GPHN: variants seen among roughly 807,000 people sequenced by gnomAD.
GPHN encodes gephyrin.
GPHN carries 17 observed loss-of-function variants against 95.5 expected under a neutral mutation model. The observed-to-expected ratio is 0.18, with a 90% CI of 0.12 to 0.27. The LOEUF (loss-of-function observed/expected upper bound fraction) is 0.27. Ranked by LOEUF, GPHN falls within the 10% of genes least tolerant of loss-of-function variation. The pLI is 1.00. For synonymous variants in GPHN, 320 were observed against 322.5 expected (o/e 0.99, Z 0.08); for missense variants, 660 against 978.1 (o/e 0.67, Z 4.34).
At chr14:67,732,445 A>G in the GPHN span, among the ~76,000 whole-genome samples, 3 of 134,206 alleles carry the variant, frequency 2.2e-5, no homozygotes, top group Non-Finnish European at 4.8e-5. Flanking sequence ...AAAAAAAAAA[A>G]TCCTCCTCAA....
chr14:67,163,191 A>G (rs1305699595), intron 19 of GPHN, among the ~76,000 whole-genome samples: 6 of 151,978 alleles, frequency 3.9e-5, no homozygotes, highest in South Asian at 2.1e-4. Context: ...CTGTAGTCCT[A>G]CCTACCTGGA....
intron 4 of GPHN, among the ~76,000 whole-genome samples, chr14:66,862,176 A>G (rs1450715877): frequency 6.6e-6 from 1 of 152,110 alleles, no homozygotes; most frequent in Non-Finnish European, 1.5e-5. Flanking sequence ...GATACTGCAT[A>G]AAGTCAAATA....
chr14:66,649,251 T>A (rs2064917419), intron 1 of GPHN, among the ~76,000 whole-genome samples: 1 of 151,904 alleles, frequency 6.6e-6, no homozygotes, highest in African/African-American at 2.4e-5. Flanking sequence ...GGAGAATCGC[T>A]TGAACCTGGG....
chr14:66,521,034 CA>C (rs1174927482), intron 1 of GPHN, among the ~76,000 whole-genome samples: 3 of 152,092 alleles, frequency 2.0e-5, no homozygotes, highest in African/African-American at 4.8e-5. Flanking sequence ...GACATGATCT[CA>C]TTTTTTTTAT....
intron 1 of GPHN, among the ~76,000 whole-genome samples, chr14:66,663,118 T>C (rs1255860968): frequency 6.6e-6 from 1 of 152,128 alleles, no homozygotes; most frequent in Admixed American, 6.5e-5. Context: ...TTTCAGGAAA[T>C]GGGAGAACCC....
chr14:67,380,889 T>A, the GPHN span: 1 of 474,542 alleles, frequency 2.1e-6, no homozygotes, highest in East Asian at 3.5e-5. Flanking sequence ...AATGGTTGTT[T>A]TTTATAACAA....
rs527242930 is a variant in GPHN, at chr14:66,922,571, G to A, written c.457-95G>A. The A allele has an allele frequency of 6.7e-5, 64 of 955,616 alleles. No individual in the cohort carries two copies. In the East Asian group the frequency reaches 1.4e-3, roughly 20 times the overall value. 59.2% of individuals were successfully genotyped at this position (955,616 alleles called of 1,614,324 possible). A position where few individuals can be genotyped will look rare whatever the true frequency, so the allele number is the denominator to read the frequency against. Reference sequence around the variant, plus strand: ...GATTCTGAGATTGATGGAGGAAAATGCAAATCCAAAATCACGAAACAGTTT... The same window carrying A: ...GATTCTGAGATTGATGGAGGAAAATACAAATCCAAAATCACGAAACAGTTT... On this transcript the variant is annotated intron_variant, in intron 6 of 22. Transcript: ENST00000478722.
At chr14:67,285,782 T>C in the GPHN span, among the ~76,000 whole-genome samples, 1 of 152,204 alleles carries the variant, frequency 6.6e-6, no homozygotes, top group South Asian at 2.1e-4. Flanking sequence ...TGGTGATTGC[T>C]TTCTGTTGCC....
At chr14:67,236,223 T>C in the GPHN span, among the ~76,000 whole-genome samples, 3 of 152,246 alleles carry the variant, frequency 2.0e-5, no homozygotes, top group South Asian at 6.2e-4. Flanking sequence ...TTGACCAACA[T>C]CTCCCCACTC....
At chr14:67,123,230 A>C (rs1376164380) in intron 17 of GPHN, among the ~76,000 whole-genome samples, 1 of 151,716 alleles carries the variant, frequency 6.6e-6, no homozygotes, top group Non-Finnish European at 1.5e-5. Context: ...TGTAGACCTC[A>C]TTAAGCATGG....
chr14:66,682,134 G>A (rs2066974401), intron 2 of GPHN, among the ~76,000 whole-genome samples: 3 of 152,100 alleles, frequency 2.0e-5, no homozygotes, highest in Non-Finnish European at 2.9e-5. Flanking sequence ...AAAATGTATC[G>A]AATATTGAAG....
the GPHN span, among the ~76,000 whole-genome samples, chr14:67,666,590 G>A: frequency 6.6e-6 from 1 of 152,214 alleles, no homozygotes; most frequent in Non-Finnish European, 1.5e-5. Context: ...CTACCCAACT[G>A]AGAGGGATCA....
At chr14:67,110,043 G>A in intron 13 of GPHN, 97 bp from the exon 14 acceptor site, 1 of 1,065,398 alleles carries the variant, frequency 9.4e-7, no homozygotes, top group Admixed American at 1.9e-5. Context: ...TTTCTTTTAT[G>A]GTTTATTTTT....
At chr14:66,962,060 GTAATCTATAT>G (rs1047802032) in intron 8 of GPHN, among the ~76,000 whole-genome samples, 5 of 149,426 alleles carry the variant, frequency 3.3e-5, no homozygotes, top group African/African-American at 9.8e-5. Flanking sequence ...TATCAACAGA[GTAATCTATAT>G]TCACTGACTC....
the GPHN span, among the ~76,000 whole-genome samples, chr14:67,425,533 T>G: frequency 6.6e-6 from 1 of 152,052 alleles, no homozygotes; most frequent in Non-Finnish European, 1.5e-5. Context: ...ACAGAGTCTC[T>G]AAAACCAAAC....
the GPHN span, chr14:67,312,108 C>T: frequency 6.5e-6 from 1 of 153,032 alleles, no homozygotes; most frequent in South Asian, 2.1e-4. Context: ...TCTATTTCTG[C>T]TTCTCTCAAG....
chr14:67,660,556 G>A, the GPHN span, among the ~76,000 whole-genome samples: 2 of 152,148 alleles, frequency 1.3e-5, no homozygotes, highest in African/African-American at 4.8e-5. Context: ...AAAAATGATA[G>A]GGGTCTGGCA....
the GPHN span, chr14:67,383,224 A>G: frequency 5.0e-6 from 7 of 1,405,326 alleles, no homozygotes; most frequent in South Asian, 8.2e-5. Context: ...AAAAGTGTTA[A>G]AGAGAGAAAA....
At chr14:67,190,227 C>CTTT in the GPHN span, among the ~76,000 whole-genome samples, 75 of 123,556 alleles carry the variant, frequency 6.1e-4, no homozygotes, top group African/African-American at 1.6e-3. Context: ...TTGTTCTTTT[C>CTTT]TTTTTTTTTT....
Sources: gnomAD v4.1 joint callset for allele counts (sites outside exome capture counted in the v4.1 genomes callset) on GRCh38, gnomAD v4.1.1 for gene constraint, MANE v1.5 for transcripts, NCBI Gene and HGNC (gene_info 2026-07-23, HGNC 2026-07-21) for gene names.